The following GULP1 variants were observed in gnomAD, a reference collection of about 807,000 sequenced individuals.
The protein encoded by GULP1 is GULP PTB domain containing engulfment adaptor 1, also known as PTB domain-containing engulfment adapter protein 1.
A neutral mutation model predicts 40.9 loss-of-function variants in GULP1; 19 were observed. The observed-to-expected ratio is 0.46, with a 90% CI of 0.32 to 0.68. The LOEUF is 0.68. Ranked by LOEUF, GULP1 falls within the 30% of genes least tolerant of loss-of-function variation. GULP1 has a pLI of 0.03. For missense variants in GULP1, 312 were observed against 362.2 expected (o/e 0.86, Z 1.12); for synonymous variants, 119 against 117.6 (o/e 1.01, Z -0.08).
At chr2:188,350,491 A>G (rs2152286351) in intron 1 of GULP1, among the ~76,000 whole-genome samples, 1 of 152,130 alleles carries the variant, frequency 6.6e-6, no homozygotes, top group East Asian at 1.9e-4. Flanking sequence ...TCAAATTGTT[A>G]ACTGCCTGTG....
chr2:188,496,139 T>G lies in GULP1; in HGVS notation c.90+12647T>G, dbSNP rs566458367. On this transcript the variant is annotated intron_variant, in intron 4 of 11. Coordinates refer to ENST00000409830, the MANE Select transcript of GULP1 (RefSeq NM_016315.4). ...TAGGAGATTTAGATTCAGAGAAGCA[T>G]GAGTCACCTCACCCCAGATTCTGCA... Among the ~76,000 whole-genome samples, 3 of 152,144 alleles carry G rather than the reference T, an allele frequency of 2.0e-5. No homozygotes were observed. In the East Asian group the frequency reaches 5.8e-4, roughly 30 times the overall value.
chr2:188,299,027 G>T (rs1432008374), intron 1 of GULP1, among the ~76,000 whole-genome samples: 1 of 152,186 alleles, frequency 6.6e-6, no homozygotes, highest in Non-Finnish European at 1.5e-5. Context: ...CTATTGGGTA[G>T]GGTTGGACCG....
intron 1 of GULP1, among the ~76,000 whole-genome samples, chr2:188,363,507 T>C (rs1162471130): frequency 6.6e-6 from 1 of 152,118 alleles, no homozygotes; most frequent in African/African-American, 2.4e-5. Flanking sequence ...GAATCAAGAT[T>C]TGCAGTTATA....
intron 4 of GULP1, among the ~76,000 whole-genome samples, chr2:188,490,311 G>A (rs573692118): frequency 7.2e-5 from 11 of 152,162 alleles, no homozygotes; most frequent in African/African-American, 2.4e-4. Context: ...TTCAACATCC[G>A]TTTGTCTATT....
chr2:188,438,974 C>G (rs2057684287), intron 2 of GULP1, among the ~76,000 whole-genome samples: 1 of 151,876 alleles, frequency 6.6e-6, no homozygotes, highest in South Asian at 2.1e-4. Flanking sequence ...GGAACCAATC[C>G]TTTCTTAAAA....
chr2:188,465,125 T>C (rs945177619), intron 2 of GULP1, among the ~76,000 whole-genome samples: 1 of 152,060 alleles, frequency 6.6e-6, no homozygotes, highest in African/African-American at 2.4e-5. Flanking sequence ...GAGTCTCACC[T>C]GAAGCCAGTA....
intron 4 of GULP1, among the ~76,000 whole-genome samples, chr2:188,486,510 A>G (rs1002834199): frequency 6.6e-6 from 1 of 151,998 alleles, no homozygotes; most frequent in Non-Finnish European, 1.5e-5. Context: ...TTCTCCCTGG[A>G]GAAATATGTA....
intron 2 of GULP1, among the ~76,000 whole-genome samples, chr2:188,449,782 A>G (rs1226343801): frequency 6.6e-6 from 1 of 152,232 alleles, no homozygotes; most frequent in Non-Finnish European, 1.5e-5. Flanking sequence ...GATTATGGCC[A>G]AAGTGAATTG....
At chr2:188,476,948 A>G (rs577489570) in intron 2 of GULP1, among the ~76,000 whole-genome samples, 7 of 152,238 alleles carry the variant, frequency 4.6e-5, no homozygotes, top group African/African-American at 1.4e-4. Context: ...AAATATCTCA[A>G]TTGGACAACA....
intron 5 of GULP1, 106 bp from the exon 6 acceptor site, chr2:188,528,991 C>A: frequency 1.7e-6 from 1 of 603,458 alleles, no homozygotes; most frequent in Non-Finnish European, 2.9e-6. Context: ...CAAAAATTCA[C>A]TTAATTAAAG....
chr2:188,447,840 C>A (rs2058522294), intron 2 of GULP1, among the ~76,000 whole-genome samples: 1 of 152,190 alleles, frequency 6.6e-6, no homozygotes, highest in African/African-American at 2.4e-5. Context: ...TCCATACTCA[C>A]AACCTGCATG....
At chr2:188,444,865 C>A (rs191309473) in intron 2 of GULP1, among the ~76,000 whole-genome samples, 15 of 152,120 alleles carry the variant, frequency 9.9e-5, no homozygotes, top group Non-Finnish European at 1.5e-5. Flanking sequence ...TAAACACTGG[C>A]AGTGACATGG....
chr2:188,451,047 C>A (rs556145580), intron 2 of GULP1, among the ~76,000 whole-genome samples: 1 of 152,148 alleles, frequency 6.6e-6, no homozygotes, highest in Non-Finnish European at 1.5e-5. Flanking sequence ...TGTAGTGACT[C>A]TTTTTAGCTG....
At chr2:188,428,890 T>C (rs2056538003) in intron 2 of GULP1, among the ~76,000 whole-genome samples, 1 of 152,172 alleles carries the variant, frequency 6.6e-6, no homozygotes, top group African/African-American at 2.4e-5. Context: ...AGTGTGTTTT[T>C]TTTTTAATTT....
At chr2:188,308,083 C>G (rs1263923338) in intron 1 of GULP1, among the ~76,000 whole-genome samples, 3 of 15,068 alleles carry the variant, frequency 2.0e-4, no homozygotes, top group African/African-American at 6.1e-4. Flanking sequence ...ATCATGATTA[C>G]TAAGGCCTAC....
intron 3 of GULP1, among the ~76,000 whole-genome samples, chr2:188,480,242 G>A (rs1218225072): frequency 1.3e-5 from 2 of 151,986 alleles, no homozygotes; most frequent in African/African-American, 4.8e-5. Flanking sequence ...TATCACTAGA[G>A]AATATTTTAT....
intron 9 of GULP1, among the ~76,000 whole-genome samples, chr2:188,580,337 A>G (rs1366315211): frequency 6.6e-6 from 1 of 152,066 alleles, no homozygotes; most frequent in Non-Finnish European, 1.5e-5. Flanking sequence ...GCGGATCACG[A>G]GGTCAGGAGA....
intron 4 of GULP1, among the ~76,000 whole-genome samples, chr2:188,511,960 G>C (rs2064607850): frequency 1.3e-5 from 2 of 151,788 alleles, no homozygotes; most frequent in South Asian, 4.2e-4. Context: ...TTATAGTTTT[G>C]ATTAATAAGT....
intron 1 of GULP1, among the ~76,000 whole-genome samples, chr2:188,332,817 A>C (rs1214978938): frequency 6.6e-6 from 1 of 152,154 alleles, no homozygotes; most frequent in African/African-American, 2.4e-5. Flanking sequence ...TGGTTAGAGC[A>C]CTGCATACCC....
Sources: gnomAD v4.1 joint callset for allele counts (sites outside exome capture counted in the v4.1 genomes callset) on GRCh38, gnomAD v4.1.1 for gene constraint, MANE v1.5 for transcripts, NCBI Gene and HGNC (gene_info 2026-07-23, HGNC 2026-07-21) for gene names.